Variants in LRP1B observed in about 807,000 individuals in gnomAD.
LRP1B encodes the protein low-density lipoprotein receptor-related protein 1B.
LRP1B carries 217 observed loss-of-function variants against 556.6 expected under a neutral mutation model. The ratio of observed to expected loss-of-function variants is 0.39; its 90% CI spans 0.35 to 0.44. The LOEUF is 0.44. Among genes scored for constraint, LRP1B ranks in the 20% least tolerant of loss-of-function variants. The pLI, the probability that LRP1B is intolerant of heterozygous loss-of-function variation, is 1.00. For synonymous variants in LRP1B, 2,047 were observed against 1,865.8 expected, an observed-to-expected ratio of 1.10 and a Z score of -2.50; for missense variants, 5,053 against 5,620.8, an observed-to-expected ratio of 0.90 and a Z score of 3.23.
chr2:142,072,645 T>C (rs1705362492), intron 1 of LRP1B, among the ~76,000 whole-genome samples: 2 of 152,106 alleles, frequency 1.3e-5, no homozygotes, highest in South Asian at 4.1e-4. Flanking sequence ...GTATTTTGTA[T>C]GTGGCCCAAG....
intron 1 of LRP1B, among the ~76,000 whole-genome samples, chr2:141,891,663 TTGA>T (rs1699295218): frequency 6.6e-6 from 1 of 152,186 alleles, no homozygotes; most frequent in Non-Finnish European, 1.5e-5. Flanking sequence ...ATAAATAATG[TTGA>T]TATTAGTGTT....
chr2:141,076,193 G>C (rs916510281), intron 7 of LRP1B, among the ~76,000 whole-genome samples: 1 of 152,158 alleles, frequency 6.6e-6, no homozygotes, highest in Non-Finnish European at 1.5e-5. Context: ...GACTAAAAAG[G>C]CCAAATGAAG....
rs139778530 is a variant in LRP1B at position 140,350,873 on chromosome 2, G to C, written c.11816C>G (p.Thr3939Ser). ...GAAAATTCCGCCTGGATTAAACTGA[G>C]TACTCCAAATAATCATATCTCTTTG... ...YYQRDMIIWS[T>S]QFNPGGIFYK... Residue 3939 changes from threonine to serine, a missense_variant, in exon 77 of 91, where the codon ACT (threonine) becomes AGT (serine). Coordinates refer to ENST00000389484, the MANE Select transcript of LRP1B (RefSeq NM_018557.3). 1.4e-4 allele frequency: 227 copies of C among 1,609,484 alleles called. No homozygotes were observed. The Middle Eastern group carries it at 2.0e-3, about 14-fold the overall frequency.
intron 66 of LRP1B, among the ~76,000 whole-genome samples, chr2:140,408,963 T>C (rs1684859819): frequency 6.6e-6 from 1 of 151,932 alleles, no homozygotes; most frequent in Admixed American, 6.6e-5. Context: ...GTAATCACAT[T>C]AAGCAAGGCT....
intron 35 of LRP1B, among the ~76,000 whole-genome samples, chr2:140,755,110 T>C (rs1688702922): frequency 6.6e-6 from 1 of 152,016 alleles, no homozygotes; most frequent in East Asian, 1.9e-4. Flanking sequence ...ACACAGACTA[T>C]CAAAACTAAA....
At chr2:140,622,645 A>T (rs1294088934) in intron 41 of LRP1B, among the ~76,000 whole-genome samples, 1 of 152,070 alleles carries the variant, frequency 6.6e-6, no homozygotes. Context: ...TTACCCTTCC[A>T]CTATGTTCCT....
intron 35 of LRP1B, among the ~76,000 whole-genome samples, chr2:140,733,698 A>T (rs951062759): frequency 2.6e-5 from 4 of 152,210 alleles, no homozygotes; most frequent in Non-Finnish European, 4.4e-5. Flanking sequence ...ATTAGTGATC[A>T]CTTCTGAGGA....
intron 1 of LRP1B, among the ~76,000 whole-genome samples, chr2:142,016,950 A>G (rs1249698073): frequency 6.6e-6 from 1 of 151,042 alleles, no homozygotes; most frequent in African/African-American, 2.4e-5. Context: ...ATATGTGTAT[A>G]TACATAATTG....
chr2:141,544,568 G>T (rs755659653), intron 2 of LRP1B, among the ~76,000 whole-genome samples: 9 of 150,652 alleles, frequency 6.0e-5, no homozygotes, highest in Non-Finnish European at 4.4e-5. Flanking sequence ...GGTGTGAGCC[G>T]CTGCATGCAG....
intron 3 of LRP1B, among the ~76,000 whole-genome samples, chr2:141,368,350 A>T (rs1689117244): frequency 6.6e-6 from 1 of 152,158 alleles, no homozygotes; most frequent in African/African-American, 2.4e-5. Flanking sequence ...TGGGAGAAAA[A>T]AACAAGAATG....
intron 35 of LRP1B, among the ~76,000 whole-genome samples, chr2:140,736,562 G>A (rs6719414): frequency 0.029 from 4,401 of 152,180 alleles, 76 homozygotes; most frequent in Middle Eastern, 0.054. Context: ...AGAGTCCTCA[G>A]AAATAATACC....
At chr2:141,301,704 G>A (rs1686401989) in intron 3 of LRP1B, among the ~76,000 whole-genome samples, 1 of 152,180 alleles carries the variant, frequency 6.6e-6, no homozygotes, top group African/African-American at 2.4e-5. Context: ...TGCCCCAGGA[G>A]TATATACTGG....
At chr2:141,578,352 G>A (rs1048501724) in intron 2 of LRP1B, among the ~76,000 whole-genome samples, 2 of 150,150 alleles carry the variant, frequency 1.3e-5, no homozygotes, top group African/African-American at 2.5e-5. Flanking sequence ...AGCCAATATC[G>A]TGCCATTGCA....
intron 7 of LRP1B, among the ~76,000 whole-genome samples, chr2:141,108,334 CTTTTTTTTTTT>C (rs60275697): frequency 4.5e-3 from 401 of 88,512 alleles, no homozygotes; most frequent in East Asian, 8.2e-3. Flanking sequence ...TAATCTGTTT[CTTTTTTTTTTT>C]TTTTTTTTTT....
intron 5 of LRP1B, among the ~76,000 whole-genome samples, chr2:141,237,109 T>A (rs1433650380): frequency 2.0e-5 from 3 of 152,016 alleles, no homozygotes; most frequent in Non-Finnish European, 1.5e-5. Context: ...TAGAAATGGG[T>A]TGATGTAATA....
intron 2 of LRP1B, among the ~76,000 whole-genome samples, chr2:141,804,235 G>T (rs1696100185): frequency 6.6e-6 from 1 of 152,190 alleles, no homozygotes; most frequent in African/African-American, 2.4e-5. Flanking sequence ...TCAAAGAAAT[G>T]TATACTCTGC....
rs987896515 is a variant in LRP1B at position 140,451,763 on chromosome 2, G to A, written c.9964-1102C>T. Among the ~76,000 whole-genome samples the A allele has an allele frequency of 5.4e-5, 8 of 147,284 alleles. No homozygotes were observed. The South Asian group carries it at 1.1e-3, about 20-fold the overall frequency. On this transcript the variant is annotated intron_variant, in intron 62 of 90. Coordinates refer to ENST00000389484, the MANE Select transcript of LRP1B (RefSeq NM_018557.3). ...TTTTTTAAAAAGAGGTAAAAATAAG[G>A]CTCAACATTTTTTTTTGGCTGACTT...
intron 1 of LRP1B, among the ~76,000 whole-genome samples, chr2:141,877,189 T>C (rs10178875): frequency 0.13 from 20,257 of 152,002 alleles, 1,614 homozygotes; most frequent in Non-Finnish European, 0.18. Context: ...TATAGAGTGT[T>C]AAACATTAGT....
intron 18 of LRP1B, among the ~76,000 whole-genome samples, chr2:140,969,948 C>A (rs1033579329): frequency 6.6e-6 from 1 of 152,128 alleles, no homozygotes; most frequent in Non-Finnish European, 1.5e-5. Flanking sequence ...CTCTGGCCGC[C>A]CTTAACATTT....
Sources: allele counts gnomAD v4.1 joint callset (sites outside exome capture counted in the v4.1 genomes callset), GRCh38; gene constraint gnomAD v4.1.1; transcripts MANE v1.5; gene names NCBI Gene and HGNC (gene_info 2026-07-23, HGNC 2026-07-21).